Variants in BANK1 observed in about 807,000 individuals in gnomAD.
BANK1 encodes B cell scaffold protein with ankyrin repeats 1.
A neutral mutation model predicts 94.5 loss-of-function variants in BANK1; 95 were observed. That is an observed-to-expected ratio of 1.00 (90% CI 0.85 to 1.19). The LOEUF (loss-of-function observed/expected upper bound fraction) is 1.19, where lower values mean the gene tolerates loss of function less well. BANK1 is among the 50% of genes most tolerant of loss of function. The probability of loss-of-function intolerance (pLI) is 0.00; values close to 1 mark genes in which losing one functional copy is unlikely to be tolerated. For missense variants in BANK1, 987 were observed against 932.2 expected, an observed-to-expected ratio of 1.06 and a Z score of -0.77; for synonymous variants, 334 against 308.4, an observed-to-expected ratio of 1.08 and a Z score of -0.87.
chr4:101,845,655 T>C (rs1727216272), intron 2 of BANK1, among the ~76,000 whole-genome samples: 1 of 152,210 alleles, frequency 6.6e-6, no homozygotes, highest in African/African-American at 2.4e-5. Flanking sequence ...GGGAATTCTT[T>C]GTAAAGTAAA....
intron 5 of BANK1, among the ~76,000 whole-genome samples, chr4:101,878,892 G>A (rs531416608): frequency 6.6e-6 from 1 of 152,022 alleles, no homozygotes; most frequent in South Asian, 2.1e-4. Context: ...ACTGAAAAAT[G>A]TATTGAAACA....
intron 10 of BANK1, among the ~76,000 whole-genome samples, chr4:102,043,534 A>G (rs1467283769): frequency 6.6e-6 from 1 of 152,044 alleles, no homozygotes; most frequent in Non-Finnish European, 1.5e-5. Flanking sequence ...ATCGCTTTTA[A>G]CACAATGCAG....
At chr4:101,983,173 G>A (rs1240799898) in intron 7 of BANK1, among the ~76,000 whole-genome samples, 5 of 151,930 alleles carry the variant, frequency 3.3e-5, no homozygotes, top group East Asian at 1.9e-4. Flanking sequence ...TATGTGAAGC[G>A]CAAAGCCAAG....
At position 102,000,837 on chromosome 4, in the gene BANK1, T is replaced by C. The variant is rs17031852; in HGVS notation, c.1207-20677T>C. On this transcript the variant is annotated intron_variant, in intron 7 of 16. Coordinates refer to ENST00000322953, the MANE Select transcript of BANK1 (RefSeq NM_017935.5). ...CATGTTTTCACCTTGTGCAAATCGA[T>C]TGGACTATAGGATCCAACACATAAT... Among the ~76,000 whole-genome samples the C allele has an allele frequency of 4.7e-3, 712 of 152,298 alleles. 13 individuals are homozygous for C. The East Asian group carries it at 0.056, about 12-fold the overall frequency.
At chr4:101,964,007 A>T (rs1028059559) in intron 7 of BANK1, among the ~76,000 whole-genome samples, 15 of 152,124 alleles carry the variant, frequency 9.9e-5, no homozygotes, top group African/African-American at 3.4e-4. Context: ...TGTGCAAATC[A>T]TTTGATGTGA....
At chr4:101,880,494 A>T (rs1249965892) in intron 5 of BANK1, among the ~76,000 whole-genome samples, 1 of 152,134 alleles carries the variant, frequency 6.6e-6, no homozygotes, top group Non-Finnish European at 1.5e-5. Flanking sequence ...TAGTATGTCC[A>T]TACTACACAA....
intron 7 of BANK1, among the ~76,000 whole-genome samples, chr4:102,003,183 A>T (rs1381404974): frequency 6.6e-6 from 1 of 152,192 alleles, no homozygotes; most frequent in Non-Finnish European, 1.5e-5. Flanking sequence ...CACTAAGTAG[A>T]GGTTTAACCA....
At chr4:101,849,723 A>G (rs1395949485) in intron 2 of BANK1, among the ~76,000 whole-genome samples, 1 of 152,212 alleles carries the variant, frequency 6.6e-6, no homozygotes, top group Non-Finnish European at 1.5e-5. Context: ...TAAAGCTTAT[A>G]TAAAAAGGAA....
chr4:102,053,714 T>C (rs1201892677), intron 11 of BANK1, among the ~76,000 whole-genome samples: 1 of 151,848 alleles, frequency 6.6e-6, no homozygotes, highest in African/African-American at 2.4e-5. Flanking sequence ...TAAATAATTA[T>C]TGTAAATTTA....
intron 2 of BANK1, among the ~76,000 whole-genome samples, chr4:101,851,481 G>A (rs1003204671): frequency 5.9e-5 from 9 of 152,204 alleles, no homozygotes; most frequent in African/African-American, 2.2e-4. Context: ...TTCGACTAAG[G>A]TGTTGGTAAG....
chr4:101,999,549 A>G (rs938236355), intron 7 of BANK1, among the ~76,000 whole-genome samples: 23 of 152,182 alleles, frequency 1.5e-4, no homozygotes, highest in Non-Finnish European at 3.2e-4. Flanking sequence ...TCATCACTCA[A>G]TCATTTAAAA....
rs188213393 is a variant in BANK1 at position 102,062,974 on chromosome 4, T to C, written c.2149-101T>C. Reference sequence around the variant, plus strand: ...AGACATCATAAGTAGCAAATTAATATCAAGTAGCAGCATTGGTATTGCTAA... The same window carrying C: ...AGACATCATAAGTAGCAAATTAATACCAAGTAGCAGCATTGGTATTGCTAA... On this transcript the variant is annotated intron_variant, in intron 12 of 16. Transcript: ENST00000322953. 71 of 840,152 alleles carry C rather than the reference T, an allele frequency of 8.5e-5. 2 individuals carry two copies. The South Asian group carries it at 9.0e-4, about 11-fold the overall frequency. 52.0% of individuals were successfully genotyped at this position (840,152 alleles called of 1,614,324 possible). A position where few individuals can be genotyped will look rare whatever the true frequency, so the allele number is the denominator to read the frequency against.
chr4:101,922,055 T>TGTGTGAGA (rs1491163025), intron 7 of BANK1, among the ~76,000 whole-genome samples: 9 of 144,366 alleles, frequency 6.2e-5, no homozygotes, highest in African/African-American at 2.3e-4. Flanking sequence ...TGTGTGTGTG[T>TGTGTGAGA]GAGACAGAGA....
intron 7 of BANK1, among the ~76,000 whole-genome samples, chr4:101,952,047 TC>T: frequency 6.6e-6 from 1 of 152,096 alleles, no homozygotes; most frequent in Admixed American, 6.6e-5. Flanking sequence ...GGTCATGTAC[TC>T]ATGGCTTTTA....
rs968283496 is a variant in BANK1 at position 101,935,210 on chromosome 4, A to G, written c.1206+17021A>G. Among the ~76,000 whole-genome samples the G allele has an allele frequency of 5.9e-5, 9 of 151,686 alleles. No homozygotes were observed. In the East Asian group the frequency reaches 1.8e-3, roughly 30 times the overall value. The stretch of plus-strand genomic sequence containing the variant: ...TAGTTGAAGAAAGCAGGTTACCCAA[A>G]TTAACATAGTAAAACTGAACACTCA... On this transcript the variant is annotated intron_variant, in intron 7 of 16. Coordinates refer to ENST00000322953, the MANE Select transcript of BANK1 (RefSeq NM_017935.5).
chr4:101,970,980 A>G (rs560534736), intron 7 of BANK1, among the ~76,000 whole-genome samples: 1 of 152,240 alleles, frequency 6.6e-6, no homozygotes, highest in East Asian at 1.9e-4. Context: ...CAGGCGTGTA[A>G]TGAGGCTTCA....
At chr4:101,977,640 A>G (rs1041886024) in intron 7 of BANK1, among the ~76,000 whole-genome samples, 2 of 152,100 alleles carry the variant, frequency 1.3e-5, no homozygotes, top group Non-Finnish European at 2.9e-5. Flanking sequence ...GAGTTCTTCT[A>G]ATTTCTTTCT....
intron 2 of BANK1, among the ~76,000 whole-genome samples, chr4:101,854,507 A>C (rs1727608422): frequency 6.6e-6 from 1 of 152,186 alleles, no homozygotes. Flanking sequence ...GAATGCATTA[A>C]CATTTTGGTA....
At chr4:101,995,499 T>C (rs1273917511) in intron 7 of BANK1, among the ~76,000 whole-genome samples, 1 of 152,198 alleles carries the variant, frequency 6.6e-6, no homozygotes, top group Non-Finnish European at 1.5e-5. Context: ...TTTCCAGTTC[T>C]AGATCCCTGA....
Sources: gnomAD v4.1 joint callset for allele counts (sites outside exome capture counted in the v4.1 genomes callset) on GRCh38, gnomAD v4.1.1 for gene constraint, MANE v1.5 for transcripts, NCBI Gene and HGNC (gene_info 2026-07-23, HGNC 2026-07-21) for gene names.